The following KCNK1 variants were observed in gnomAD, a reference collection of about 807,000 sequenced individuals.
The protein encoded by KCNK1 is potassium channel subfamily K member 1.
KCNK1 carries 10 observed loss-of-function variants against 22.2 expected under a neutral mutation model. The observed-to-expected ratio is 0.45, with a 90% CI of 0.28 to 0.76. The LOEUF is 0.76. KCNK1 is among the 30% of genes least tolerant of loss of function. The pLI, the probability that KCNK1 is intolerant of heterozygous loss-of-function variation, is 0.14. For synonymous variants in KCNK1, 200 were observed against 186.4 expected (o/e 1.07, Z -0.60); for missense variants, 378 against 421.0 (o/e 0.90, Z 0.89).
At chr1:233,640,930 C>T (rs771547165) in intron 1 of KCNK1, among the ~76,000 whole-genome samples, 19 of 152,148 alleles carry the variant, frequency 1.2e-4, no homozygotes, top group Non-Finnish European at 2.5e-4. Flanking sequence ...GTCTTGAACT[C>T]CTGAGCTCAG....
intron 1 of KCNK1, among the ~76,000 whole-genome samples, chr1:233,638,880 G>A (rs563246251): frequency 6.6e-6 from 1 of 152,352 alleles, no homozygotes; most frequent in Admixed American, 6.5e-5. Flanking sequence ...CTGTGGGGTA[G>A]TGTGTATGTC....
chr1:233,666,585 C>T lies in KCNK1; in HGVS notation c.356-10C>T. 6.3e-7 allele frequency: 1 copy of T among 1,584,476 alleles called. No individual in the cohort carries two copies. The highest frequency in any genetic ancestry group is 2.2e-5 in the East Asian group (1 of 44,478). On this transcript the variant is annotated splice_polypyrimidine_tract_variant and intron_variant, in intron 1 of 2. Transcript: ENST00000366621. Reference sequence around the variant, plus strand: ...TCCTCTTCGCCTCAGTGACCTTGTTCTCCTTGCAGGTTATGGCCACACCGT... The same window carrying T: ...TCCTCTTCGCCTCAGTGACCTTGTTTTCCTTGCAGGTTATGGCCACACCGT...
chr1:233,626,460 C>T (rs1657691303), intron 1 of KCNK1, among the ~76,000 whole-genome samples: 1 of 152,118 alleles, frequency 6.6e-6, no homozygotes, highest in Admixed American at 6.5e-5. Flanking sequence ...ATGAGGGCCA[C>T]ACTCGGAGTG....
At chr1:233,623,293 A>T (rs1657624957) in intron 1 of KCNK1, among the ~76,000 whole-genome samples, 1 of 149,680 alleles carries the variant, frequency 6.7e-6, no homozygotes, top group Non-Finnish European at 1.5e-5. Flanking sequence ...GGGTACGGGG[A>T]GGGGGGATGG....
chr1:233,635,404 A>C (rs574267128), intron 1 of KCNK1, among the ~76,000 whole-genome samples: 43 of 152,202 alleles, frequency 2.8e-4, no homozygotes, highest in Non-Finnish European at 5.0e-4. Flanking sequence ...GTCTTTGTCT[A>C]AAGGCAACCT....
chr1:233,649,227 G>A (rs1158680067), intron 1 of KCNK1, among the ~76,000 whole-genome samples: 1 of 152,200 alleles, frequency 6.6e-6, no homozygotes, highest in Non-Finnish European at 1.5e-5. Context: ...ACTCCTCAGG[G>A]AAAGTTAGCG....
intron 1 of KCNK1, among the ~76,000 whole-genome samples, chr1:233,649,615 A>C (rs1248972804): frequency 6.6e-6 from 1 of 152,148 alleles, no homozygotes; most frequent in African/African-American, 2.4e-5. Flanking sequence ...GTGTCTGATA[A>C]GGGCTTGCTC....
intron 1 of KCNK1, among the ~76,000 whole-genome samples, chr1:233,639,066 G>A (rs1657960493): frequency 6.6e-6 from 1 of 152,214 alleles, no homozygotes; most frequent in Admixed American, 6.5e-5. Context: ...TGTCCTGGCT[G>A]ATGGGCTCCA....
intron 1 of KCNK1, chr1:233,655,612 T>C (rs1184904926): frequency 6.6e-6 from 1 of 152,122 alleles, no homozygotes; most frequent in African/African-American, 2.4e-5. Flanking sequence ...GTAGAGCCTT[T>C]GGGAGGTGAT....
In KCNK1 at chr1:233,666,651, TC is replaced by T; in HGVS notation, c.414del (p.Val139SerfsTer11). 6.2e-7 allele frequency: 1 copy of T among 1,614,074 alleles called. No individual in the cohort carries two copies. The highest frequency in any genetic ancestry group is 8.5e-7 in the Non-Finnish European group (1 of 1,179,970). On this transcript the variant is annotated frameshift_variant, in exon 2 of 3. Coordinates refer to ENST00000366621, the MANE Select transcript of KCNK1 (RefSeq NM_002245.4). LOFTEE classifies it high-confidence loss of function. ...AGGTAAGGCCTTCTGCATCATCTACTCCGTCATTGGCATTCCCTTCACCCTC... is the reference window on the plus strand; with the variant it reads ...AGGTAAGGCCTTCTGCATCATCTACTCGTCATTGGCATTCCCTTCACCCTC... The part of the protein sequence containing the change: ...DGGKAFCIIY[S>X]VIGIPFTLLF...
intron 1 of KCNK1, among the ~76,000 whole-genome samples, chr1:233,651,454 A>C (rs1016309187): frequency 2.0e-5 from 3 of 152,198 alleles, no homozygotes; most frequent in Non-Finnish European, 4.4e-5. Flanking sequence ...ACCTCGTTTA[A>C]AATATTGAGG....
intron 2 of KCNK1, among the ~76,000 whole-genome samples, chr1:233,667,523 G>A (rs1201428939): frequency 1.3e-5 from 2 of 151,958 alleles, no homozygotes; most frequent in African/African-American, 4.8e-5. Context: ...GAGGTCAGGA[G>A]ATCGAGACCA....
At chr1:233,615,546 A>G (rs116008047) in intron 1 of KCNK1, among the ~76,000 whole-genome samples, 206 of 152,324 alleles carry the variant, frequency 1.4e-3, no homozygotes, top group African/African-American at 4.8e-3. Context: ...CTTTTGATCT[A>G]TGAGATCCAA....
At chr1:233,670,297 A>G (rs533552410) in intron 2 of KCNK1, among the ~76,000 whole-genome samples, 3 of 152,206 alleles carry the variant, frequency 2.0e-5, no homozygotes, top group Non-Finnish European at 4.4e-5. Context: ...ACTGAGAGAT[A>G]ATGAAGAGCT....
chr1:233,624,237 A>C (rs918244993), intron 1 of KCNK1: 4 of 153,108 alleles, frequency 2.6e-5, no homozygotes, highest in African/African-American at 7.2e-5. Context: ...GTATGCACTG[A>C]GGAGGGAGGC....
chr1:233,667,938 A>G (rs1181528352), intron 2 of KCNK1, among the ~76,000 whole-genome samples: 3 of 152,220 alleles, frequency 2.0e-5, no homozygotes, highest in Admixed American at 2.0e-4. Flanking sequence ...GGTTCTTTTT[A>G]GAAGAAGTTC....
At chr1:233,628,212 T>G (rs1194998951) in intron 1 of KCNK1, among the ~76,000 whole-genome samples, 1 of 152,156 alleles carries the variant, frequency 6.6e-6, no homozygotes, top group Non-Finnish European at 1.5e-5. Flanking sequence ...CAAATCAAAT[T>G]GTCATCGGTG....
Position 233,666,608 on chromosome 1 carries a change from C to T in KCNK1, c.369C>T (p.Thr123=), listed in dbSNP as rs768191542. 24 of 1,607,628 alleles carry T rather than the reference C, an allele frequency of 1.5e-5. No individual in the cohort carries two copies. The highest frequency in any genetic ancestry group is 1.1e-4 in the South Asian group (10 of 89,978). Residue 123 remains threonine, a synonymous_variant, in exon 2 of 3, where the codon ACC becomes ACT. Coordinates refer to ENST00000366621, the MANE Select transcript of KCNK1 (RefSeq NM_002245.4). ...TVLSTTGYGH[T]VPLSDGGKAF... ...TTCTCCTTGCAGGTTATGGCCACAC[C>T]GTGCCCTTGTCAGATGGAGGTAAGG... is the stretch of plus-strand genomic sequence containing the variant.
intron 1 of KCNK1, among the ~76,000 whole-genome samples, chr1:233,658,989 TTC>T (rs1658346600): frequency 6.6e-6 from 1 of 152,178 alleles, no homozygotes; most frequent in Non-Finnish European, 1.5e-5. Context: ...TAAAATTGTT[TTC>T]TTTCTTCAAT....
Sources: allele counts gnomAD v4.1 joint callset (sites outside exome capture counted in the v4.1 genomes callset), GRCh38; gene constraint gnomAD v4.1.1; transcripts MANE v1.5; gene names NCBI Gene and HGNC (gene_info 2026-07-23, HGNC 2026-07-21).